MAST4: variants seen among roughly 807,000 people sequenced by gnomAD.
MAST4 encodes the protein microtubule associated serine/threonine kinase family member 4, also known as microtubule-associated serine/threonine-protein kinase 4.
A neutral mutation model predicts 162.7 loss-of-function variants in MAST4; 89 were observed. The observed-to-expected ratio is 0.55, with a 90% CI of 0.46 to 0.65. The LOEUF (loss-of-function observed/expected upper bound fraction) is 0.65. Ranked by LOEUF, MAST4 falls within the 30% of genes least tolerant of loss-of-function variation. MAST4 has a pLI of 0.00. For missense variants in MAST4, 3,153 were observed against 3,374.0 expected, an observed-to-expected ratio of 0.93 and a Z score of 1.62; for synonymous variants, 1,479 against 1,361.1, an observed-to-expected ratio of 1.09 and a Z score of -1.91.
chr5:66,683,141 CA>C (rs1748435716), intron 1 of MAST4, among the ~76,000 whole-genome samples: 1 of 152,150 alleles, frequency 6.6e-6, no homozygotes, highest in South Asian at 2.1e-4. Flanking sequence ...CTCACTGTGC[CA>C]AAGCATAAGC....
At chr5:66,848,895 A>G (rs1358636000) in intron 3 of MAST4, among the ~76,000 whole-genome samples, 1 of 152,190 alleles carries the variant, frequency 6.6e-6, no homozygotes, top group Non-Finnish European at 1.5e-5. Flanking sequence ...TGGTGTGCTC[A>G]TATCAGAAAA....
chr5:67,029,277 C>T (rs543520379), intron 4 of MAST4, among the ~76,000 whole-genome samples: 38 of 152,194 alleles, frequency 2.5e-4, no homozygotes, highest in Non-Finnish European at 4.4e-4. Flanking sequence ...CTCTGCATTC[C>T]CAAGAGAAAT....
At chr5:66,790,708 C>T (rs183588834) in intron 3 of MAST4, among the ~76,000 whole-genome samples, 2 of 152,136 alleles carry the variant, frequency 1.3e-5, no homozygotes, top group East Asian at 3.9e-4. Context: ...CTGTGCCTGG[C>T]TTGGGCTTAT....
intron 3 of MAST4, among the ~76,000 whole-genome samples, chr5:66,874,399 C>G (rs907731052): frequency 6.6e-6 from 1 of 152,154 alleles, no homozygotes; most frequent in African/African-American, 2.4e-5. Flanking sequence ...GATTAGTTTT[C>G]AAATCTGGCA....
intron 1 of MAST4, among the ~76,000 whole-genome samples, chr5:66,656,875 G>A (rs1000256058): frequency 1.3e-5 from 2 of 152,158 alleles, no homozygotes; most frequent in Admixed American, 6.5e-5. Context: ...GTTTATACCT[G>A]TGAGACATAA....
chr5:66,886,935 A>G (rs935558375), intron 3 of MAST4, among the ~76,000 whole-genome samples: 1 of 151,998 alleles, frequency 6.6e-6, no homozygotes, highest in African/African-American at 2.4e-5. Context: ...AAAAAACCAC[A>G]GGGGATCATT....
intron 14 of MAST4, among the ~76,000 whole-genome samples, chr5:67,126,421 A>G (rs985962565): frequency 6.6e-6 from 1 of 152,154 alleles, no homozygotes; most frequent in African/African-American, 2.4e-5. Flanking sequence ...TAATTTTTGT[A>G]TAAGGTTTAA....
chr5:66,614,216 T>G (rs1743490735), intron 1 of MAST4, among the ~76,000 whole-genome samples: 1 of 152,178 alleles, frequency 6.6e-6, no homozygotes, highest in Admixed American at 6.5e-5. Context: ...AAAATAACTA[T>G]GAAAGCAGTC....
intron 1 of MAST4, among the ~76,000 whole-genome samples, chr5:66,757,527 C>A (rs1179170491): frequency 1.3e-5 from 2 of 152,056 alleles, no homozygotes; most frequent in African/African-American, 4.8e-5. Flanking sequence ...TATACGTTAC[C>A]TTGCTCACAA....
At chr5:66,978,506 A>G (rs1337883665) in intron 4 of MAST4, among the ~76,000 whole-genome samples, 1 of 152,224 alleles carries the variant, frequency 6.6e-6, no homozygotes, top group East Asian at 1.9e-4. Flanking sequence ...AATTTAGTTA[A>G]GTTAGACACC....
intron 4 of MAST4, chr5:66,917,022 T>C: frequency 1.4e-6 from 1 of 718,104 alleles, no homozygotes; most frequent in Non-Finnish European, 2.6e-6. Flanking sequence ...TCAAACGGTA[T>C]GTGTATTTCT....
At chr5:66,712,850 C>A (rs972357357) in intron 1 of MAST4, among the ~76,000 whole-genome samples, 1 of 152,172 alleles carries the variant, frequency 6.6e-6, no homozygotes, top group Admixed American at 6.5e-5. Context: ...GAATTTGCTC[C>A]TATTTGGTTT....
chr5:66,976,257 C>T (rs16896075), intron 4 of MAST4, among the ~76,000 whole-genome samples: 7,364 of 152,288 alleles, frequency 0.048, 565 homozygotes, highest in African/African-American at 0.17. Flanking sequence ...CTTTCTGGAA[C>T]GCACTCAGAT....
chr5:66,819,434 G>A (rs1337496713), intron 3 of MAST4, among the ~76,000 whole-genome samples: 1 of 152,148 alleles, frequency 6.6e-6, no homozygotes, highest in Non-Finnish European at 1.5e-5. Context: ...ATGCCTCTAG[G>A]TAGACTAAGG....
intron 3 of MAST4, among the ~76,000 whole-genome samples, chr5:66,826,060 G>A (rs962772828): frequency 6.6e-6 from 1 of 152,092 alleles, no homozygotes; most frequent in African/African-American, 2.4e-5. Flanking sequence ...ATAGCAAAGG[G>A]TAAACGTAGC....
chr5:67,161,004 A>G (rs1403981541), intron 27 of MAST4, among the ~76,000 whole-genome samples: 1 of 152,256 alleles, frequency 6.6e-6, no homozygotes, highest in Non-Finnish European at 1.5e-5. Flanking sequence ...TTCTAAAATT[A>G]CTGTTACCTT....
chr5:67,005,177 G>A (rs1359362692), intron 4 of MAST4: 3 of 711,740 alleles, frequency 4.2e-6, no homozygotes, highest in East Asian at 2.7e-5. Flanking sequence ...AGGAGCTGGG[G>A]TTTTGTGTAT....
At chr5:66,944,608 C>T (rs1199131106) in intron 4 of MAST4, among the ~76,000 whole-genome samples, 4 of 152,046 alleles carry the variant, frequency 2.6e-5, no homozygotes, top group Admixed American at 1.3e-4. Flanking sequence ...TCTGATGTCT[C>T]ATCTCCCTGT....
At chr5:66,897,515 A>G (rs1336845826) in intron 3 of MAST4, among the ~76,000 whole-genome samples, 3 of 152,156 alleles carry the variant, frequency 2.0e-5, no homozygotes, top group Non-Finnish European at 4.4e-5. Context: ...TTTTGCAGCT[A>G]TTGTTCACAA....
Sources: gnomAD v4.1 joint callset for allele counts (sites outside exome capture counted in the v4.1 genomes callset) on GRCh38, gnomAD v4.1.1 for gene constraint, MANE v1.5 for transcripts, NCBI Gene and HGNC (gene_info 2026-07-23, HGNC 2026-07-21) for gene names.